Variants in LRRC39 observed in about 807,000 individuals in gnomAD.
LRRC39 encodes leucine rich repeat containing 39, also known as leucine-rich repeat-containing protein 39.
A neutral mutation model predicts 39.7 loss-of-function variants in LRRC39; 35 were observed. The ratio of observed to expected loss-of-function variants is 0.88; its 90% CI spans 0.67 to 1.17. LRRC39 has a LOEUF of 1.17. LRRC39 is among the 50% of genes most tolerant of loss of function. The probability of loss-of-function intolerance (pLI) is 0.00; values close to 1 mark genes in which losing one functional copy is unlikely to be tolerated. For synonymous variants in LRRC39, 113 were observed against 134.1 expected (o/e 0.84, Z 1.09); for missense variants, 357 against 385.8 (o/e 0.93, Z 0.62).
At chr1:100,159,532 C>T (rs1658714387) in intron 4 of LRRC39, 117 bp from the exon 5 acceptor site, 1 of 738,772 alleles carries the variant, frequency 1.4e-6, no homozygotes, top group Non-Finnish European at 1.9e-6. Flanking sequence ...AATTTGTTTT[C>T]CTTAGTGGGT....
At position 100,148,865 on chromosome 1, in the gene LRRC39, T is replaced by G; in HGVS notation, c.*177A>C. On this transcript the variant is annotated 3_prime_UTR_variant, in exon 10 of 10. Coordinates refer to ENST00000370137, the MANE Select transcript of LRRC39 (RefSeq NM_144620.4). The stretch of plus-strand genomic sequence containing the variant: ...TCATCTGTCTTCCACCAAAAAAAAT[T>G]TTTTAATTATATTTTTATATCAAAA... The G allele has an allele frequency of 2.4e-6, 3 of 1,258,306 alleles. No individual in the cohort carries two copies. Among genetic ancestry groups the G allele is most frequent in the Non-Finnish European group, 3.1e-6 (3 of 973,890 alleles). 77.9% of individuals were successfully genotyped at this position (1,258,306 alleles called of 1,614,324 possible). A position where few individuals can be genotyped will look rare whatever the true frequency, so the allele number is the denominator to read the frequency against.
intron 3 of LRRC39, among the ~76,000 whole-genome samples, chr1:100,167,875 T>G (rs1266365743): frequency 2.0e-5 from 3 of 151,068 alleles, no homozygotes; most frequent in Non-Finnish European, 4.4e-5. Context: ...TATGCATCTA[T>G]GAGGAAAGGG....
chr1:100,155,472 C>T (rs932679477), intron 7 of LRRC39, among the ~76,000 whole-genome samples: 4 of 152,176 alleles, frequency 2.6e-5, no homozygotes, highest in African/African-American at 9.7e-5. Context: ...TAACTGACAT[C>T]ACATTACCTG....
intron 3 of LRRC39, among the ~76,000 whole-genome samples, chr1:100,167,457 T>G (rs1397261037): frequency 1.3e-5 from 2 of 152,174 alleles, no homozygotes; most frequent in Admixed American, 1.3e-4. Context: ...CATCGGCAAA[T>G]AACATTTGCT....
In LRRC39 at chr1:100,159,299, A is replaced by G. The variant is rs756644831; in HGVS notation, c.336T>C (p.Asp112=). The G allele has an allele frequency of 9.3e-6, 15 of 1,610,174 alleles. No homozygotes were observed. The highest frequency in any genetic ancestry group is 1.3e-5 in the Non-Finnish European group (15 of 1,178,234). The part of the protein sequence containing the change: ...IGRFQNLIVL[D]LSRNTISEIP... ...TCTCTGAAATTGTGTTTCGAGATAA[A>G]TCTAACACAATGAGGTTCTGGAATC... Residue 112 remains aspartate, a synonymous_variant, in exon 5 of 10, where the codon GAT becomes GAC. Transcript: ENST00000370137.
rs942401910 is a variant in LRRC39 at position 100,168,478 on chromosome 1, A to G, written c.39T>C (p.Ala13=). ...ENVVCTGAVN[A]VKEVWEKRIK... ...TTCTTTTTTCCCAAACTTCCTTTAC[A>G]GCATTGACAGCCCCAGTACAAACCA... is the stretch of plus-strand genomic sequence containing the variant. The change falls in exon 3 of 10, where the codon GCT becomes GCC. Residue 13 remains alanine (A), a synonymous_variant. Transcript: ENST00000370137. 6.2e-7 allele frequency: 1 copy of G among 1,612,420 alleles called. No homozygotes were observed. The highest frequency in any genetic ancestry group is 1.3e-5 in the African/African-American group (1 of 74,826).
At chr1:100,159,021 A>G (rs1658683786) in intron 5 of LRRC39, among the ~76,000 whole-genome samples, 1 of 152,170 alleles carries the variant, frequency 6.6e-6, no homozygotes, top group African/African-American at 2.4e-5. Flanking sequence ...TATTGTTCCG[A>G]GAATCACAGG....
At chr1:100,155,760 C>T (rs1210949171) in intron 7 of LRRC39, among the ~76,000 whole-genome samples, 1 of 152,122 alleles carries the variant, frequency 6.6e-6, no homozygotes, top group Non-Finnish European at 1.5e-5. Context: ...CCTAGCTTGC[C>T]CACTTACTAA....
intron 8 of LRRC39, among the ~76,000 whole-genome samples, chr1:100,154,474 TAAAGA>T (rs1557922738): frequency 3.9e-5 from 6 of 152,086 alleles, no homozygotes; most frequent in Admixed American, 6.5e-5. Context: ...TGAAACATAA[TAAAGA>T]AAAGACAAAA....
intron 2 of LRRC39, among the ~76,000 whole-genome samples, chr1:100,172,212 T>C (rs1659662491): frequency 6.6e-6 from 1 of 152,152 alleles, no homozygotes; most frequent in African/African-American, 2.4e-5. Context: ...GAATGAACTC[T>C]TCCTGAGAAT....
intron 3 of LRRC39, among the ~76,000 whole-genome samples, chr1:100,162,726 G>C (rs1024775927): frequency 1.1e-4 from 16 of 152,030 alleles, no homozygotes; most frequent in Non-Finnish European, 2.9e-5. Flanking sequence ...ATGAAAAAGA[G>C]AGTAAGTTTA....
chr1:100,156,052 T>C (rs1658420351), intron 7 of LRRC39, 120 bp downstream of exon 7: 1 of 884,476 alleles, frequency 1.1e-6, no homozygotes, highest in South Asian at 2.2e-5. Flanking sequence ...AACAGTGTAT[T>C]TCAAACTAGT....
At chr1:100,161,540 A>G (rs1658878222) in intron 3 of LRRC39, among the ~76,000 whole-genome samples, 1 of 152,228 alleles carries the variant, frequency 6.6e-6, no homozygotes, top group South Asian at 2.1e-4. Flanking sequence ...TATTTGGAAT[A>G]ATGCTGCTAT....
chr1:100,159,219 G>A (rs1238493828), intron 5 of LRRC39, 40 bp downstream of exon 5: 1 of 1,522,624 alleles, frequency 6.6e-7, no homozygotes, highest in Non-Finnish European at 8.8e-7. Context: ...ACATCTGCAG[G>A]TGGATAAAAT....
chr1:100,176,032 T>TCAAA (rs1659933651), intron 1 of LRRC39, among the ~76,000 whole-genome samples: 1 of 152,206 alleles, frequency 6.6e-6, no homozygotes, highest in Non-Finnish European at 1.5e-5. Context: ...CATTCAAAGG[T>TCAAA]ATGTACCTAG....
chr1:100,162,428 G>A (rs956571453), intron 3 of LRRC39, among the ~76,000 whole-genome samples: 2 of 151,752 alleles, frequency 1.3e-5, no homozygotes, highest in Non-Finnish European at 2.9e-5. Flanking sequence ...GCTGAGGCAG[G>A]TGGAGTTCGA....
At chr1:100,158,571 G>A (rs552681941) in intron 5 of LRRC39, among the ~76,000 whole-genome samples, 2 of 152,174 alleles carry the variant, frequency 1.3e-5, no homozygotes, top group Admixed American at 6.5e-5. Flanking sequence ...CCGGTAGCTG[G>A]GACTACAGGC....
intron 2 of LRRC39, among the ~76,000 whole-genome samples, chr1:100,172,452 C>T (rs1476132282): frequency 6.6e-6 from 1 of 151,800 alleles, no homozygotes; most frequent in Non-Finnish European, 1.5e-5. Context: ...TTTGGGAGGC[C>T]GAGGCGGGCA....
chr1:100,176,637 T>C (rs983210533), intron 1 of LRRC39, among the ~76,000 whole-genome samples: 3 of 152,166 alleles, frequency 2.0e-5, no homozygotes, highest in African/African-American at 7.2e-5. Context: ...GCCAACAAAA[T>C]GTGGCATGAT....
Sources: gnomAD v4.1 joint callset for allele counts (sites outside exome capture counted in the v4.1 genomes callset) on GRCh38, gnomAD v4.1.1 for gene constraint, MANE v1.5 for transcripts, NCBI Gene and HGNC (gene_info 2026-07-23, HGNC 2026-07-21) for gene names.